Variants in KIF24 observed in about 807,000 individuals in gnomAD.
KIF24 encodes kinesin family member 24, also known as kinesin-like protein KIF24.
Under a neutral mutation model 118.9 loss-of-function variants are expected in KIF24, and 81 were observed. The ratio of observed to expected loss-of-function variants is 0.68; its 90% CI spans 0.57 to 0.82. The LOEUF (loss-of-function observed/expected upper bound fraction) is 0.82, where lower values mean the gene tolerates loss of function less well. Ranked by LOEUF, KIF24 falls within the 40% of genes least tolerant of loss-of-function variation. KIF24 has a pLI of 0.00. For synonymous variants in KIF24, 599 were observed against 610.0 expected, an observed-to-expected ratio of 0.98 and a Z score of 0.27; for missense variants, 1,560 against 1,661.6, an observed-to-expected ratio of 0.94 and a Z score of 1.06.
At chr9:34,291,405 C>T (rs750033891) in intron 4 of KIF24, among the ~76,000 whole-genome samples, 5 of 152,208 alleles carry the variant, frequency 3.3e-5, no homozygotes, top group Non-Finnish European at 7.3e-5. Flanking sequence ...TGACCTTAGG[C>T]AAGTCCCTTC....
intron 3 of KIF24, among the ~76,000 whole-genome samples, chr9:34,302,000 T>TTTC: frequency 1.4e-5 from 2 of 144,100 alleles, no homozygotes. Context: ...TTTTTTTCTT[T>TTTC]TTTTTTTTTT....
intron 1 of KIF24, among the ~76,000 whole-genome samples, chr9:34,311,805 T>C (rs951925644): frequency 2.8e-5 from 4 of 141,880 alleles, no homozygotes; most frequent in Admixed American, 7.3e-5. Flanking sequence ...CATATATATA[T>C]ACACATAGAT....
chr9:34,258,975 T>A (rs1328032388), intron 10 of KIF24, among the ~76,000 whole-genome samples: 2 of 152,118 alleles, frequency 1.3e-5, no homozygotes, highest in East Asian at 3.9e-4. Context: ...ATCAAAAACA[T>A]CTTACCTACT....
intron 1 of KIF24, among the ~76,000 whole-genome samples, chr9:34,312,232 C>T (rs1837193934): frequency 6.6e-6 from 1 of 152,100 alleles, no homozygotes; most frequent in Non-Finnish European, 1.5e-5. Flanking sequence ...GAATATGAAT[C>T]AAATAATTTG....
At chr9:34,259,543 C>A in intron 10 of KIF24, 53 bp downstream of exon 10, 1 of 1,345,768 alleles carries the variant, frequency 7.4e-7, no homozygotes, top group South Asian at 1.2e-5. Context: ...GCGTGCTGCA[C>A]AGACATGCAC....
intron 12 of KIF24, 21 bp from the exon 13 acceptor site, chr9:34,254,541 G>A (rs751835344): frequency 4.3e-6 from 7 of 1,610,228 alleles, no homozygotes; most frequent in South Asian, 3.3e-5. Context: ...AACAAGGGAC[G>A]AATACAGCTT....
intron 4 of KIF24, among the ~76,000 whole-genome samples, chr9:34,294,114 C>T (rs1836365911): frequency 1.3e-5 from 2 of 152,074 alleles, no homozygotes; most frequent in Non-Finnish European, 2.9e-5. Flanking sequence ...CCACCAAACC[C>T]AGCTAATTAA....
chr9:34,262,355 A>G (rs1835086708), intron 9 of KIF24, among the ~76,000 whole-genome samples: 1 of 151,976 alleles, frequency 6.6e-6, no homozygotes, highest in Non-Finnish European at 1.5e-5. Flanking sequence ...CTAAAGTCCT[A>G]TGACAGGCTG....
In KIF24 at chr9:34,257,987, A is replaced by G. The variant is rs1834924557; in HGVS notation, c.1626-6T>C. 3 of 1,562,764 alleles carry G rather than the reference A, an allele frequency of 1.9e-6. No homozygotes were observed. The Admixed American group carries it at 5.9e-5, about 31-fold the overall frequency. On this transcript the variant is annotated splice_polypyrimidine_tract_variant and splice_region_variant and intron_variant, in intron 10 of 12. Coordinates refer to ENST00000402558, the MANE Select transcript of KIF24 (RefSeq NM_194313.4). ...CTTTCTTTAGTTCTTTGACCCTGTA[A>G]ATAATCATTTTATGTTAAATGTGTA...
intron 1 of KIF24, chr9:34,319,474 T>A: frequency 1.6e-6 from 2 of 1,288,226 alleles, no homozygotes; most frequent in Non-Finnish European, 2.2e-6. Flanking sequence ...GCCTTTGAGT[T>A]GGACACAGAC....
chr9:34,328,562 G>T (rs1369983121), intron 1 of KIF24, among the ~76,000 whole-genome samples: 2 of 152,190 alleles, frequency 1.3e-5, no homozygotes, highest in Non-Finnish European at 2.9e-5. Context: ...CCTCCCCCTA[G>T]CCTCGAAATA....
At chr9:34,299,825 T>C (rs75542644) in intron 3 of KIF24, among the ~76,000 whole-genome samples, 124 of 31,742 alleles carry the variant, frequency 3.9e-3, no homozygotes, top group East Asian at 8.9e-3. Flanking sequence ...TGTGTGTGCG[T>C]GTGTGTGTGT....
chr9:34,254,343 C>G lies in KIF24; in HGVS notation c.*37G>C. 6.3e-7 allele frequency: 1 copy of G among 1,580,118 alleles called. No homozygotes were observed. ...CAGCCTGAGAGCCCAGCACAGACTC[C>G]TGCAGGGCCCCCACCATCTCGGCAC... On this transcript the variant is annotated 3_prime_UTR_variant, in exon 13 of 13. Transcript: ENST00000402558.
chr9:34,267,773 G>C (rs1835347826), intron 8 of KIF24, among the ~76,000 whole-genome samples: 2 of 152,152 alleles, frequency 1.3e-5, no homozygotes, highest in South Asian at 4.1e-4. Flanking sequence ...CACATTTCAA[G>C]TGCTCAATTG....
chr9:34,281,943 G>A (rs1409440167), intron 6 of KIF24, among the ~76,000 whole-genome samples: 1 of 152,162 alleles, frequency 6.6e-6, no homozygotes, highest in Non-Finnish European at 1.5e-5. Flanking sequence ...TCCTCATACT[G>A]CTGGTGGGAG....
chr9:34,256,939 T>C lies in KIF24; in HGVS notation c.2668A>G (p.Lys890Glu), dbSNP rs1320330122. 1 of 1,613,980 alleles carries C rather than the reference T, an allele frequency of 6.2e-7. No homozygotes were observed. Among genetic ancestry groups the C allele is most frequent in the African/African-American group, 1.3e-5 (1 of 75,048 alleles). The part of the protein sequence containing the change: ...PRTGDKKDLT[K>E]SWVDSRDPIN... ...GGGTCCCTGGAGTCCACCCAGCTTT[T>C]AGTTAGATCTTTCTTGTCACCTGTC... Residue 890 changes from lysine to glutamate, a missense_variant, in exon 11 of 13, where the codon AAA (lysine) becomes GAA (glutamate). By Grantham distance (56) the Lys-to-Glu change is moderately conservative. Coordinates refer to ENST00000402558, the MANE Select transcript of KIF24 (RefSeq NM_194313.4).
rs541472667 is a variant in KIF24, at chr9:34,318,712, C to T, written c.-25-7341G>A. 192 of 1,506,172 alleles carry T rather than the reference C, an allele frequency of 1.3e-4. No individual in the cohort carries two copies. The highest frequency in any genetic ancestry group is 8.8e-4 in the African/African-American group (65 of 73,706). 93.3% of individuals were successfully genotyped at this position (1,506,172 alleles called of 1,614,324 possible). On this transcript the variant is annotated intron_variant, in intron 1 of 12. Coordinates refer to ENST00000402558, the MANE Select transcript of KIF24 (RefSeq NM_194313.4). This position sits in a 1 kb window ranked among gnomAD's most constrained non-coding sequence, Gnocchi z 4.9. ...CAGTGCTGAGTGCCAAGCAGCTGAG[C>T]GACGAGGAGGTGCACGCCGGCGTGG...
At chr9:34,282,916 G>A (rs1835900287) in intron 6 of KIF24, among the ~76,000 whole-genome samples, 1 of 151,760 alleles carries the variant, frequency 6.6e-6, no homozygotes, top group Non-Finnish European at 1.5e-5. Flanking sequence ...GGTGGGCATG[G>A]TGGCAGGAGC....
At chr9:34,283,310 T>G (rs7390439) in intron 6 of KIF24, among the ~76,000 whole-genome samples, 1 of 151,674 alleles carries the variant, frequency 6.6e-6, no homozygotes, top group Non-Finnish European at 1.5e-5. Context: ...AGACTGAGAC[T>G]GCAGTGAGCT....
Sources: allele counts gnomAD v4.1 joint callset (sites outside exome capture counted in the v4.1 genomes callset), GRCh38; gene constraint gnomAD v4.1.1; non-coding constraint Gnocchi (gnomAD v3.1); transcripts MANE v1.5; gene names NCBI Gene and HGNC (gene_info 2026-07-23, HGNC 2026-07-21).